The following SLC6A6 variants were observed in gnomAD, a reference collection of about 807,000 sequenced individuals.
The protein encoded by SLC6A6 is sodium- and chloride-dependent taurine transporter.
In SLC6A6, 16 loss-of-function variants were observed where a neutral mutation model predicts 68.8. The ratio of observed to expected loss-of-function variants is 0.23; its 90% CI spans 0.16 to 0.35. The LOEUF is 0.35. SLC6A6 is among the 10% of genes least tolerant of loss of function. SLC6A6 has a pLI of 1.00. For missense variants in SLC6A6, 474 were observed against 802.8 expected, an observed-to-expected ratio of 0.59 and a Z score of 4.95; for synonymous variants, 312 against 315.4, an observed-to-expected ratio of 0.99 and a Z score of 0.12.
At position 14,445,859 on chromosome 3, in the gene SLC6A6, T is replaced by C; in HGVS notation, c.364+8T>C. 1 of 1,614,182 alleles carries C rather than the reference T, an allele frequency of 6.2e-7. No homozygotes were observed. The highest frequency in any genetic ancestry group is 8.5e-7 in the Non-Finnish European group (1 of 1,179,980). On this transcript the variant is annotated splice_region_variant and intron_variant, in intron 4 of 14. Coordinates refer to ENST00000622186, the MANE Select transcript of SLC6A6 (RefSeq NM_003043.6). Reference sequence around the variant, plus strand: ...TCTGCCCCTTGTTCTCTGGTGAGTATGGGACGGAGGTCACTTGGGGCCTGG... The same window carrying C: ...TCTGCCCCTTGTTCTCTGGTGAGTACGGGACGGAGGTCACTTGGGGCCTGG...
rs370141735 is a variant in SLC6A6 at position 14,485,238 on chromosome 3, G to A, written c.*231G>A. 1.0e-5 allele frequency: 4 copies of A among 383,296 alleles called. No homozygotes were observed. Among genetic ancestry groups the A allele is most frequent in the East Asian group, 4.0e-5 (1 of 24,940 alleles). The allele number at this position is 383,296 out of a possible 1,614,324, so 23.7% of individuals were successfully genotyped here. A position where few individuals can be genotyped will look rare whatever the true frequency, so the allele number is the denominator to read the frequency against. ...ATTTTGTACAAAAAGAAAACCCACG[G>A]GAAGATGTCCGTGGAGAGGCAGAGC... is the stretch of plus-strand genomic sequence containing the variant. On this transcript the variant is annotated 3_prime_UTR_variant, in exon 15 of 15. Coordinates refer to ENST00000622186, the MANE Select transcript of SLC6A6 (RefSeq NM_003043.6).
intron 1 of SLC6A6, among the ~76,000 whole-genome samples, chr3:14,412,798 T>G (rs1699278574): frequency 6.6e-6 from 1 of 152,234 alleles, no homozygotes; most frequent in African/African-American, 2.4e-5. Context: ...CCAGATCCTG[T>G]GCTTCGTCAA....
chr3:14,466,461 A>T (rs1465450345), intron 6 of SLC6A6, 55 bp from the exon 7 acceptor site: 2 of 1,568,864 alleles, frequency 1.3e-6, no homozygotes, highest in Admixed American at 3.5e-5. Context: ...GGATGCTCAG[A>T]CTTAGCAGCA....
At chr3:14,460,759 CA>C (rs1700476516) in intron 6 of SLC6A6, among the ~76,000 whole-genome samples, 1 of 152,232 alleles carries the variant, frequency 6.6e-6, no homozygotes, top group East Asian at 1.9e-4. Flanking sequence ...GTAGGCCTCC[CA>C]GGGGTGGGCG....
chr3:14,467,247 C>T (rs892865075), intron 7 of SLC6A6, among the ~76,000 whole-genome samples: 2 of 152,228 alleles, frequency 1.3e-5, no homozygotes, highest in African/African-American at 4.8e-5. Context: ...TCCCCACCAC[C>T]CTTCCCCCTG....
chr3:14,446,276 G>C (rs1055565833), intron 4 of SLC6A6, among the ~76,000 whole-genome samples: 1 of 152,228 alleles, frequency 6.6e-6, no homozygotes, highest in Non-Finnish European at 1.5e-5. Flanking sequence ...CGTGGATACA[G>C]CTGAAGGTCA....
chr3:14,443,840 AC>A lies in SLC6A6; in HGVS notation c.208del (p.Leu70SerfsTer32). 6.2e-7 allele frequency: 1 copy of A among 1,613,460 alleles called. No homozygotes were observed. Among genetic ancestry groups the A allele is most frequent in the Non-Finnish European group, 8.5e-7 (1 of 1,179,442 alleles). The stretch of plus-strand genomic sequence containing the variant: ...TTGGGCAACGTCTGGCGCTTCCCGT[AC>A]CTCTGCTACAAGAATGGTGGAGGTG... ...VGLGNVWRFPYLCYKNGGGAF... is the reference protein window; with the variant it reads ...VGLGNVWRFPXLCYKNGGGAF... On this transcript the variant is annotated frameshift_variant, in exon 3 of 15. Coordinates refer to ENST00000622186, the MANE Select transcript of SLC6A6 (RefSeq NM_003043.6). LOFTEE classifies it high-confidence loss of function.
At chr3:14,462,623 CG>C (rs1476746703) in intron 6 of SLC6A6, among the ~76,000 whole-genome samples, 3 of 151,972 alleles carry the variant, frequency 2.0e-5, no homozygotes, top group Non-Finnish European at 4.4e-5. Context: ...CTCTTAGGCC[CG>C]GGAAGTTGAG....
At position 14,471,504 on chromosome 3, in the gene SLC6A6, G is replaced by A. The variant is rs570502206; in HGVS notation, c.1097-701G>A. 3.9e-5 allele frequency among the ~76,000 whole-genome samples: 6 copies of A among 152,258 alleles called. No homozygotes were observed. In the East Asian group the frequency reaches 1.2e-3, roughly 29 times the overall value. On this transcript the variant is annotated intron_variant, in intron 9 of 14. Transcript: ENST00000622186. The stretch of plus-strand genomic sequence containing the variant: ...GGTGGGGAAACTGAGGCCCTGAGAG[G>A]GTATGGGGTGATTCAAAAAGGAAAT...
chr3:14,445,901 A>G (rs1559299551), intron 4 of SLC6A6, 50 bp downstream of exon 4: 2 of 1,598,782 alleles, frequency 1.3e-6, no homozygotes, highest in Non-Finnish European at 1.7e-6. Context: ...TCAGTTCCAC[A>G]CATTTTTATT....
chr3:14,402,788 C>T lies in SLC6A6; in HGVS notation c.-113C>T, dbSNP rs1699013640. On this transcript the variant is annotated 5_prime_UTR_variant, in exon 1 of 15. Transcript: ENST00000622186. This position sits in a 1 kb window ranked among gnomAD's most constrained non-coding sequence, Gnocchi z 4.8. ...TCAGAGAGCGAGCGGGCAGGCAGCC[C>T]CCGGCCGGCGGAACCCGGCACAGCC... 1 of 398,032 alleles carries T rather than the reference C, an allele frequency of 2.5e-6. No homozygotes were observed. Among genetic ancestry groups the T allele is most frequent in the Non-Finnish European group, 4.4e-6 (1 of 225,662 alleles). The allele number at this position is 398,032 out of a possible 1,614,324, so 24.7% of individuals were successfully genotyped here.
At chr3:14,435,283 G>A (rs1574928362) in intron 2 of SLC6A6, among the ~76,000 whole-genome samples, 3 of 152,308 alleles carry the variant, frequency 2.0e-5, no homozygotes, top group African/African-American at 7.2e-5. Context: ...ATGAGGCCGG[G>A]GGTGAGGTAG....
intron 14 of SLC6A6, among the ~76,000 whole-genome samples, chr3:14,482,354 C>T (rs746540466): frequency 2.6e-5 from 4 of 152,332 alleles, no homozygotes; most frequent in East Asian, 1.9e-4. Flanking sequence ...GGATCTGTGG[C>T]GGCAGCCAGA....
At position 14,481,799 on chromosome 3, in the gene SLC6A6, C is replaced by G. The variant is rs764664612; in HGVS notation, c.1680C>G (p.Val560=). Reference sequence around the variant, plus strand: ...CCTCCATGCTCTGCGTTCCCTTGGTCATCGTCATCCGCCTCTGCCAGACTG... The same window carrying G: ...CCTCCATGCTCTGCGTTCCCTTGGTGATCGTCATCCGCCTCTGCCAGACTG... ...ALSSMLCVPL[V]IVIRLCQTEG... Residue 560 remains valine (V), a synonymous_variant, in exon 14 of 15, where the codon GTC becomes GTG. Coordinates refer to ENST00000622186, the MANE Select transcript of SLC6A6 (RefSeq NM_003043.6). This position sits in a 1 kb window ranked among gnomAD's most constrained non-coding sequence, Gnocchi z 4.7. The G allele has an allele frequency of 3.1e-6, 5 of 1,614,100 alleles. No individual in the cohort carries two copies. The South Asian group carries it at 5.5e-5, about 18-fold the overall frequency.
intron 1 of SLC6A6, among the ~76,000 whole-genome samples, chr3:14,405,457 A>G (rs1307150863): frequency 6.6e-6 from 1 of 152,262 alleles, no homozygotes; most frequent in Admixed American, 6.5e-5. Context: ...ATTCCCGTAT[A>G]TAGAAAAAGC....
At chr3:14,434,261 GAGTA>G (rs977233363) in intron 2 of SLC6A6, among the ~76,000 whole-genome samples, 8 of 152,326 alleles carry the variant, frequency 5.3e-5, no homozygotes, top group African/African-American at 1.7e-4. Context: ...GGCTGGTGAG[GAGTA>G]AGTGAGTGAG....
chr3:14,472,752 G>A lies in SLC6A6; in HGVS notation c.1209+435G>A. ...TGGCAGATGGGCGATTCGGAGAAGG[G>A]ACCCACATTTCTGTGTGAGCTGATC... On this transcript the variant is annotated intron_variant, in intron 10 of 14. Transcript: ENST00000622186. The surrounding 1 kb of genome is among the most constrained non-coding windows in gnomAD (Gnocchi z 4.5). Among the ~76,000 whole-genome samples the A allele has an allele frequency of 6.6e-6, 1 of 152,176 alleles. No individual in the cohort carries two copies. Among genetic ancestry groups the A allele is most frequent in the East Asian group, 1.9e-4 (1 of 5,180 alleles).
At position 14,477,065 on chromosome 3, in the gene SLC6A6, G is replaced by A; in HGVS notation, c.1210-140G>A. The A allele has an allele frequency of 1.3e-6, 1 of 756,468 alleles. No individual in the cohort carries two copies. The highest frequency in any genetic ancestry group is 2.2e-6 in the Non-Finnish European group (1 of 459,360). 46.9% of individuals were successfully genotyped at this position (756,468 alleles called of 1,614,324 possible). On this transcript the variant is annotated intron_variant, in intron 10 of 14. Coordinates refer to ENST00000622186, the MANE Select transcript of SLC6A6 (RefSeq NM_003043.6). The surrounding 1 kb of genome is among the most constrained non-coding windows in gnomAD (Gnocchi z 4.2). ...AGGCCAGGCTTCCACACTTGGACTT[G>A]ATCTCACAGGCCAATTCTGGACACA...
At position 14,477,139 on chromosome 3, in the gene SLC6A6, C is replaced by T. The variant is rs1700896975; in HGVS notation, c.1210-66C>T. The T allele has an allele frequency of 2.7e-6, 4 of 1,506,588 alleles. No individual in the cohort carries two copies. The highest frequency in any genetic ancestry group is 3.7e-6 in the Non-Finnish European group (4 of 1,094,442). The allele number at this position is 1,506,588 out of a possible 1,614,324, so 93.3% of individuals were successfully genotyped here. On this transcript the variant is annotated intron_variant, in intron 10 of 14. Coordinates refer to ENST00000622186, the MANE Select transcript of SLC6A6 (RefSeq NM_003043.6). This position sits in a 1 kb window ranked among gnomAD's most constrained non-coding sequence, Gnocchi z 4.2. ...ATTGTGTGTTCCTGGGCCCTTCCCT[C>T]CGAGCAGCAGGCAAGGGTGGCCTGA...
Sources: allele counts gnomAD v4.1 joint callset (sites outside exome capture counted in the v4.1 genomes callset), GRCh38; gene constraint gnomAD v4.1.1; non-coding constraint Gnocchi (gnomAD v3.1); transcripts MANE v1.5; gene names NCBI Gene and HGNC (gene_info 2026-07-23, HGNC 2026-07-21).